Variants in MACROD2 observed in about 807,000 individuals in gnomAD.
MACROD2 encodes mono-ADP ribosylhydrolase 2.
Under a neutral mutation model 70.4 loss-of-function variants are expected in MACROD2, and 36 were observed. The observed-to-expected ratio is 0.51, with a 90% CI of 0.39 to 0.68. The LOEUF (loss-of-function observed/expected upper bound fraction) is 0.68, where lower values mean the gene tolerates loss of function less well. Among genes scored for constraint, MACROD2 ranks in the 30% least tolerant of loss-of-function variants. The probability of loss-of-function intolerance (pLI) is 0.00; values close to 1 mark genes in which losing one functional copy is unlikely to be tolerated. For missense variants in MACROD2, 496 were observed against 538.4 expected (o/e 0.92, Z 0.78); for synonymous variants, 172 against 178.8 (o/e 0.96, Z 0.30).
chr20:15,860,613 A>C (rs1377715689), intron 8 of MACROD2, among the ~76,000 whole-genome samples: 1 of 152,142 alleles, frequency 6.6e-6, no homozygotes, highest in African/African-American at 2.4e-5. Context: ...AAAAGTATAG[A>C]AAATATAATA....
intron 6 of MACROD2, among the ~76,000 whole-genome samples, chr20:15,367,588 A>G (rs1254222498): frequency 1.3e-5 from 2 of 152,316 alleles, no homozygotes; most frequent in African/African-American, 2.4e-5. Context: ...CCAAGAAAAA[A>G]CAAATTCAGG....
At chr20:15,629,769 A>G in intron 8 of MACROD2, among the ~76,000 whole-genome samples, 1 of 152,242 alleles carries the variant, frequency 6.6e-6, no homozygotes, top group East Asian at 1.9e-4. Context: ...AACAGACTTA[A>G]GAGTAAATTT....
At position 16,044,975 on chromosome 20, in the gene MACROD2, C is replaced by G. The variant is rs77443087; in HGVS notation, c.1300+336C>G. Among the ~76,000 whole-genome samples, 384 of 152,280 alleles carry G rather than the reference C, an allele frequency of 2.5e-3. 2 individuals are homozygous for G. The highest frequency in any genetic ancestry group is 8.9e-3 in the African/African-American group (370 of 41,560). On this transcript the variant is annotated intron_variant, in intron 17 of 17. Transcript: ENST00000684519. ...CAGAAACTCCAAGCTGATTCTGAAG[C>G]ATTGCTTTTCTAGAAGCTACCTGCT...
intron 3 of MACROD2, among the ~76,000 whole-genome samples, chr20:14,246,181 G>A (rs181696202): frequency 7.9e-5 from 12 of 152,116 alleles, no homozygotes; most frequent in African/African-American, 2.9e-4. Flanking sequence ...TCTGTTCAGG[G>A]CTCATTAATG....
intron 8 of MACROD2, among the ~76,000 whole-genome samples, chr20:15,749,845 A>G (rs1462954374): frequency 6.6e-6 from 1 of 152,080 alleles, no homozygotes; most frequent in Non-Finnish European, 1.5e-5. Context: ...GCTACATACA[A>G]AAATCAGCTC....
intron 5 of MACROD2, among the ~76,000 whole-genome samples, chr20:14,890,993 C>CCTTCCTTCCTTCCTT (rs1568857423): frequency 1.3e-4 from 7 of 55,100 alleles, no homozygotes; most frequent in East Asian, 3.7e-4. Flanking sequence ...CTTCCTTCCT[C>CCTTCCTTCCTTCCTT]CCTCCCTCCC....
intron 5 of MACROD2, among the ~76,000 whole-genome samples, chr20:15,035,964 A>C (rs902253332): frequency 1.3e-5 from 2 of 152,040 alleles, no homozygotes; most frequent in South Asian, 4.2e-4. Flanking sequence ...GTCTGTAGGC[A>C]ACATCCAAGT....
rs1343104125 is a variant in MACROD2 at position 15,499,768 on chromosome 20, A to T, written c.572-6A>T. 2 of 1,613,564 alleles carry T rather than the reference A, an allele frequency of 1.2e-6. No individual in the cohort carries two copies. Among genetic ancestry groups the T allele is most frequent in the Admixed American group, 3.3e-5 (2 of 60,000 alleles). On this transcript the variant is annotated splice_region_variant and splice_polypyrimidine_tract_variant and intron_variant, in intron 7 of 17. Coordinates refer to ENST00000684519, the MANE Select transcript of MACROD2 (RefSeq NM_001351661.2). ...GTTCATTTGTTTTTTCCTGCTCTTC[A>T]TCTAGGCTTTCCCAACGAGCCTGCT...
intron 7 of MACROD2, among the ~76,000 whole-genome samples, chr20:15,446,190 C>G (rs892821057): frequency 6.6e-6 from 1 of 152,100 alleles, no homozygotes; most frequent in African/African-American, 2.4e-5. Context: ...TATGGACTAC[C>G]CCACCTTCAG....
chr20:14,946,120 GC>G (rs1446261980), intron 5 of MACROD2, among the ~76,000 whole-genome samples: 7 of 152,056 alleles, frequency 4.6e-5, no homozygotes, highest in African/African-American at 1.7e-4. Flanking sequence ...AACTGCTTGA[GC>G]CCAGGAGGTG....
chr20:14,943,329 C>A, intron 5 of MACROD2, among the ~76,000 whole-genome samples: 1 of 151,748 alleles, frequency 6.6e-6, no homozygotes, highest in African/African-American at 2.4e-5. Context: ...AGCAACATAC[C>A]TTTTTTATTT....
At chr20:14,768,320 T>G (rs958171731) in intron 5 of MACROD2, among the ~76,000 whole-genome samples, 1 of 152,086 alleles carries the variant, frequency 6.6e-6, no homozygotes, top group Non-Finnish European at 1.5e-5. Flanking sequence ...GACTTTTTAA[T>G]GATCGCCATT....
chr20:15,225,194 G>A (rs1170816773), intron 5 of MACROD2, among the ~76,000 whole-genome samples: 1 of 151,906 alleles, frequency 6.6e-6, no homozygotes, highest in African/African-American at 2.4e-5. Context: ...GATATACCTA[G>A]GGGAGTCATT....
intron 3 of MACROD2, among the ~76,000 whole-genome samples, chr20:14,242,105 T>A (rs2081934483): frequency 6.6e-6 from 1 of 152,204 alleles, no homozygotes. Flanking sequence ...AAAATTTGGA[T>A]GTTCTCTGTT....
intron 8 of MACROD2, among the ~76,000 whole-genome samples, chr20:15,682,294 A>C (rs906806856): frequency 6.6e-6 from 1 of 152,214 alleles, no homozygotes; most frequent in African/African-American, 2.4e-5. Flanking sequence ...AGATTTTTAG[A>C]CTTTAGTTGA....
intron 6 of MACROD2, among the ~76,000 whole-genome samples, chr20:15,428,396 C>T (rs943188899): frequency 1.3e-5 from 2 of 152,096 alleles, no homozygotes; most frequent in Non-Finnish European, 2.9e-5. Flanking sequence ...TATTTTGAGT[C>T]AAAGGCACGT....
chr20:15,962,446 A>C (rs989377015), intron 12 of MACROD2, among the ~76,000 whole-genome samples: 4 of 152,212 alleles, frequency 2.6e-5, no homozygotes, highest in Non-Finnish European at 5.9e-5. Context: ...CTATGACTGC[A>C]TCTCTCATTT....
chr20:15,539,596 G>T (rs1429481805), intron 8 of MACROD2, among the ~76,000 whole-genome samples: 3 of 152,074 alleles, frequency 2.0e-5, no homozygotes, highest in Non-Finnish European at 4.4e-5. Flanking sequence ...TTAAACTGAG[G>T]TTTCTTTTTG....
intron 8 of MACROD2, among the ~76,000 whole-genome samples, chr20:15,798,285 G>A (rs1421836998): frequency 1.3e-5 from 2 of 152,178 alleles, no homozygotes; most frequent in African/African-American, 4.8e-5. Context: ...CTGTGATTGG[G>A]TGCTTGGGGA....
Sources: gnomAD v4.1 joint callset for allele counts (sites outside exome capture counted in the v4.1 genomes callset) on GRCh38, gnomAD v4.1.1 for gene constraint, MANE v1.5 for transcripts, NCBI Gene and HGNC (gene_info 2026-07-23, HGNC 2026-07-21) for gene names.